Variants in PTPRN observed in about 807,000 individuals in gnomAD.
PTPRN encodes the protein receptor-type tyrosine-protein phosphatase-like N.
In PTPRN, 70 loss-of-function variants were observed where a neutral mutation model predicts 108.5. The ratio of observed to expected loss-of-function variants is 0.65; its 90% CI spans 0.53 to 0.79. The LOEUF (loss-of-function observed/expected upper bound fraction) is 0.79, where lower values mean the gene tolerates loss of function less well. PTPRN is among the 30% of genes least tolerant of loss of function. PTPRN has a pLI of 0.00. For synonymous variants in PTPRN, 496 were observed against 524.6 expected (o/e 0.95, Z 0.75); for missense variants, 1,136 against 1,295.5 (o/e 0.88, Z 1.89).
chr2:219,294,723 C>A (rs553881152), intron 19 of PTPRN, among the ~76,000 whole-genome samples: 31 of 151,988 alleles, frequency 2.0e-4, no homozygotes, highest in African/African-American at 7.2e-4. Context: ...GTCCCGGGAG[C>A]GTGAGAGGGA....
At position 219,289,948 on chromosome 2, in the gene PTPRN, G is replaced by T. The variant is rs62191854; in HGVS notation, c.*278C>A. On this transcript the variant is annotated 3_prime_UTR_variant, in exon 23 of 23. Transcript: ENST00000295718. ...AGGAGAGCCAGGCCAGGGAATGTAG[G>T]CAGGAGAAGGCTCTGGGTAGAATTG... 7,747 of 444,532 alleles carry T rather than the reference G, an allele frequency of 0.017. 92 individuals carry two copies. Among genetic ancestry groups the T allele is most frequent in the Non-Finnish European group, 0.025 (6,152 of 242,238 alleles). 27.5% of individuals were successfully genotyped at this position (444,532 alleles called of 1,614,324 possible). A position where few individuals can be genotyped will look rare whatever the true frequency, so the allele number is the denominator to read the frequency against.
Position 219,299,357 on chromosome 2 carries a change from G to A in PTPRN, c.1551C>T (p.Arg517=). 1 of 1,614,220 alleles carries A rather than the reference G, an allele frequency of 6.2e-7. No individual in the cohort carries two copies. The highest frequency in any genetic ancestry group is 1.1e-5 in the South Asian group (1 of 91,090). ...ACAGGTTCTGCTCATTGTGCCGGAT[G>A]CGGAAGGTGAGGGCTGGTCCCACCA... ...ISVVGPALTF[R]IRHNEQNLSL... The change falls in exon 11 of 23, where the codon CGC becomes CGT. Residue 517 remains arginine, a synonymous_variant. Transcript: ENST00000295718.
At position 219,295,289 on chromosome 2, in the gene PTPRN, C is replaced by T. The variant is rs573731810; in HGVS notation, c.2509-148G>A. ...TCTAAGTTCCAGCGGTCCCAGGAAC[C>T]CTGGCTGCCTGTCACTTATCTACTG... On this transcript the variant is annotated intron_variant, in intron 18 of 22. Coordinates refer to ENST00000295718, the MANE Select transcript of PTPRN (RefSeq NM_002846.4). 153 of 770,806 alleles carry T rather than the reference C, an allele frequency of 2.0e-4. 1 individual carries two copies. In the East Asian group the frequency reaches 3.6e-3, roughly 18 times the overall value. The allele number at this position is 770,806 out of a possible 1,614,324, so 47.7% of individuals were successfully genotyped here. A position where few individuals can be genotyped will look rare whatever the true frequency, so the allele number is the denominator to read the frequency against.
chr2:219,299,935 C>T (rs761783415), intron 9 of PTPRN, 50 bp downstream of exon 9: 2 of 1,604,574 alleles, frequency 1.2e-6, no homozygotes, highest in Non-Finnish European at 1.7e-6. Flanking sequence ...GCCAGGCAGG[C>T]CAGCCCAAAT....
At chr2:219,298,247 G>A (rs1952252566) in intron 12 of PTPRN, 144 bp from the exon 13 acceptor site, 1 of 735,794 alleles carries the variant, frequency 1.4e-6, no homozygotes, top group Non-Finnish European at 2.2e-6. Context: ...GGTACAGCCA[G>A]ATGGGCTCAG....
At position 219,298,110 on chromosome 2, in the gene PTPRN, G is replaced by A. The variant is rs1952248043; in HGVS notation, c.1669-7C>T. The A allele has an allele frequency of 3.7e-6, 6 of 1,610,326 alleles. No homozygotes were observed. The highest frequency in any genetic ancestry group is 5.1e-6 in the Non-Finnish European group (6 of 1,179,528). On this transcript the variant is annotated splice_polypyrimidine_tract_variant and splice_region_variant and intron_variant, in intron 12 of 22. Coordinates refer to ENST00000295718, the MANE Select transcript of PTPRN (RefSeq NM_002846.4). ...CTGCAGCTGCCTCCTCCCTCTGTGG[G>A]AACAAGGCTAGAATCAAGGGAGGCA...
chr2:219,308,783 G>C, intron 1 of PTPRN: 1 of 1,233,438 alleles, frequency 8.1e-7, no homozygotes, highest in African/African-American at 1.6e-5. Context: ...GCCCAGCTGG[G>C]ACTCTATGTC....
intron 19 of PTPRN, among the ~76,000 whole-genome samples, chr2:219,294,569 G>C (rs1264314318): frequency 7.1e-6 from 1 of 140,822 alleles, no homozygotes; most frequent in Non-Finnish European, 1.5e-5. Context: ...AGACGGAGGG[G>C]GCAGCAAGGC....
rs1166091090 is a variant in PTPRN, at chr2:219,297,909, A to G, written c.1863T>C (p.His621=). Residue 621 remains histidine, a synonymous_variant, in exon 13 of 23, where the codon CAT becomes CAC. Coordinates refer to ENST00000295718, the MANE Select transcript of PTPRN (RefSeq NM_002846.4). This position sits in a 1 kb window ranked among gnomAD's most constrained non-coding sequence, Gnocchi z 6.0. ...CCTGGTACTCAAAGGTAGTGTCACC[A>G]TGGGCCCCCTCAGGCCCCAGGGCTG... ...RLAALGPEGA[H]GDTTFEYQDL... 2 of 1,611,336 alleles carry G rather than the reference A, an allele frequency of 1.2e-6. No homozygotes were observed. The highest frequency in any genetic ancestry group is 3.3e-5 in the Admixed American group (2 of 59,768).
rs756735224 is a variant in PTPRN at position 219,307,516 on chromosome 2, G to A, written c.208C>T (p.Arg70Trp). The A allele has an allele frequency of 1.1e-5, 17 of 1,614,020 alleles. No homozygotes were observed. The highest frequency in any genetic ancestry group is 5.0e-5 in the Admixed American group (3 of 59,992). Residue 70 changes from arginine to tryptophan, a missense_variant, in exon 3 of 23, where the codon CGG becomes TGG. By Grantham distance (101) the Arg-to-Trp change is moderately radical. Transcript: ENST00000295718. ...GQCQVGVGQA[R>W]PLLQVTSPVL... ...GGGGAGGTGACTTGCAAAAGGGGCC[G>A]GGCCTGCCCCACTCCCACCTGGCAC...
chr2:219,295,271 T>C, intron 18 of PTPRN, 130 bp from the exon 19 acceptor site: 1 of 983,106 alleles, frequency 1.0e-6, no homozygotes, highest in Admixed American at 3.0e-5. Flanking sequence ...AATTCTAAGT[T>C]CCAGCGGTCC....
chr2:219,290,686 C>T lies in PTPRN; in HGVS notation c.2795-75G>A. ...ACAGGACCCAGAAAACCTGAGGCCT[C>T]CTGGAGGCAAAGAGCCTTGGAGGGC... On this transcript the variant is annotated intron_variant, in intron 21 of 22. Coordinates refer to ENST00000295718, the MANE Select transcript of PTPRN (RefSeq NM_002846.4). The surrounding 1 kb of genome is among the most constrained non-coding windows in gnomAD (Gnocchi z 4.2). The T allele has an allele frequency of 2.7e-6, 4 of 1,490,190 alleles. No individual in the cohort carries two copies. The highest frequency in any genetic ancestry group is 3.7e-6 in the Non-Finnish European group (4 of 1,087,224). The allele number at this position is 1,490,190 out of a possible 1,614,324, so 92.3% of individuals were successfully genotyped here.
At chr2:219,299,943 A>G in intron 9 of PTPRN, 42 bp downstream of exon 9, 1 of 1,610,018 alleles carries the variant, frequency 6.2e-7, no homozygotes, top group South Asian at 1.1e-5. Context: ...GGCCAGCCCA[A>G]ATCCTAGCAG....
intron 20 of PTPRN, 147 bp downstream of exon 20, chr2:219,291,323 G>A (rs1054707495): frequency 2.8e-5 from 24 of 847,496 alleles, no homozygotes; most frequent in South Asian, 2.7e-4. Flanking sequence ...TGAATGCCAC[G>A]CTTAGGTCTT....
At chr2:219,295,993 C>G (rs1274829626) in intron 18 of PTPRN, 8 of 573,202 alleles carry the variant, frequency 1.4e-5, no homozygotes, top group Non-Finnish European at 2.4e-5. Context: ...CACACACACA[C>G]ACACACACAC....
chr2:219,294,216 G>A (rs1180507855), intron 19 of PTPRN: 1 of 471,970 alleles, frequency 2.1e-6, no homozygotes, highest in East Asian at 6.6e-5. Context: ...GAGAGAAAGA[G>A]GGAAGAAGGG....
chr2:219,302,973 G>A, intron 4 of PTPRN, 136 bp from the exon 5 acceptor site: 2 of 1,070,016 alleles, frequency 1.9e-6, no homozygotes, highest in South Asian at 1.7e-5. Flanking sequence ...AGTGACCTCA[G>A]GGGAAGAGAG....
At chr2:219,299,492 C>A in intron 10 of PTPRN, 108 bp from the exon 11 acceptor site, 2 of 1,334,974 alleles carry the variant, frequency 1.5e-6, no homozygotes, top group South Asian at 2.4e-5. Context: ...TGGAGCAGAT[C>A]GGGGATGCCC....
At chr2:219,303,713 G>C (rs574665411) in intron 4 of PTPRN, 22 bp downstream of exon 4, 1 of 1,593,146 alleles carries the variant, frequency 6.3e-7, no homozygotes, top group South Asian at 1.1e-5. Context: ...CATTGCTAGA[G>C]TTGTAGAGAA....
Sources: allele counts gnomAD v4.1 joint callset (sites outside exome capture counted in the v4.1 genomes callset), GRCh38; gene constraint gnomAD v4.1.1; non-coding constraint Gnocchi (gnomAD v3.1); transcripts MANE v1.5; gene names NCBI Gene and HGNC (gene_info 2026-07-23, HGNC 2026-07-21).